Variants in ROBO2 observed in about 807,000 individuals in gnomAD.
The protein encoded by ROBO2 is roundabout homolog 2.
In ROBO2, 53 loss-of-function variants were observed where a neutral mutation model predicts 160.8. The ratio of observed to expected loss-of-function variants is 0.33; its 90% CI spans 0.26 to 0.41. The LOEUF is 0.41. Among genes scored for constraint, ROBO2 ranks in the 10% least tolerant of loss-of-function variants. The pLI, the probability that ROBO2 is intolerant of heterozygous loss-of-function variation, is 1.00. For synonymous variants in ROBO2, 664 were observed against 611.7 expected (o/e 1.09, Z -1.26); for missense variants, 1,577 against 1,722.4 (o/e 0.92, Z 1.49).
At chr3:76,252,756 TATACAC>T (rs199830934) in intron 2 of ROBO2, among the ~76,000 whole-genome samples, 43,195 of 137,450 alleles carry the variant, frequency 0.31, 6,672 homozygotes, top group Non-Finnish European at 0.36. Context: ...CATGTATATG[TATACAC>T]ACACACACAC....
At chr3:77,461,497 CATT>C (rs2082237265) in intron 2 of ROBO2, among the ~76,000 whole-genome samples, 1 of 151,940 alleles carries the variant, frequency 6.6e-6, no homozygotes, top group African/African-American at 2.4e-5. Flanking sequence ...GGTTGAATAA[CATT>C]ATATTTATGC....
rs1291713517 is a variant in ROBO2 at position 75,915,663 on chromosome 3, G to C, written c.-14+8703G>C. Among the ~76,000 whole-genome samples, 4 of 152,166 alleles carry C rather than the reference G, an allele frequency of 2.6e-5. No homozygotes were observed. The East Asian group carries it at 7.7e-4, about 29-fold the overall frequency. ...GAGCTGCATTCTGATAAGAAGGCAA[G>C]GCTAGAGGACTCATGTTGAGGTGGC... is the stretch of plus-strand genomic sequence containing the variant. On this transcript the variant is annotated intron_variant, in intron 1 of 26. Coordinates refer to the ROBO2 transcript ENST00000487694.
chr3:77,364,058 G>T (rs1481974800), intron 2 of ROBO2, among the ~76,000 whole-genome samples: 1 of 152,116 alleles, frequency 6.6e-6, no homozygotes, highest in African/African-American at 2.4e-5. Context: ...TTAATACAAG[G>T]TATATGAGGC....
chr3:76,525,430 T>G (rs2081897926), intron 2 of ROBO2, among the ~76,000 whole-genome samples: 1 of 151,940 alleles, frequency 6.6e-6, no homozygotes, highest in Non-Finnish European at 1.5e-5. Flanking sequence ...GAATAGCTCT[T>G]TAAAAGTGGG....
chr3:76,216,554 A>G (rs1172951325), intron 2 of ROBO2, among the ~76,000 whole-genome samples: 1 of 152,216 alleles, frequency 6.6e-6, no homozygotes, highest in Non-Finnish European at 1.5e-5. Context: ...AGATCAAAAG[A>G]GACAAAGAAG....
At chr3:77,211,139 T>A (rs1428825733) in intron 2 of ROBO2, among the ~76,000 whole-genome samples, 1 of 151,904 alleles carries the variant, frequency 6.6e-6, no homozygotes, top group East Asian at 1.9e-4. Context: ...GTATTTCTAG[T>A]TCTAGATCCC....
chr3:77,194,591 T>C (rs2082152215), intron 2 of ROBO2, among the ~76,000 whole-genome samples: 1 of 152,200 alleles, frequency 6.6e-6, no homozygotes, highest in South Asian at 2.1e-4. Context: ...TTAATTGACA[T>C]ATGTATATTC....
chr3:77,030,872 A>G (rs567214205), intron 2 of ROBO2, among the ~76,000 whole-genome samples: 3 of 152,330 alleles, frequency 2.0e-5, no homozygotes, highest in African/African-American at 7.2e-5. Flanking sequence ...GAGATTCTAC[A>G]TGGACATTCA....
At chr3:76,091,757 AT>A (rs2069246590) in intron 2 of ROBO2, among the ~76,000 whole-genome samples, 1 of 151,978 alleles carries the variant, frequency 6.6e-6, no homozygotes, top group Non-Finnish European at 1.5e-5. Context: ...TTGAAAAGAA[AT>A]AAACTATCAA....
chr3:77,105,755 A>G lies in ROBO2; in HGVS notation c.388+7415A>G, dbSNP rs539306751. Among the ~76,000 whole-genome samples the G allele has an allele frequency of 2.0e-5, 3 of 152,294 alleles. No individual in the cohort carries two copies. The South Asian group carries it at 6.2e-4, about 32-fold the overall frequency. On this transcript the variant is annotated intron_variant, in intron 2 of 25. Coordinates refer to ENST00000461745, the Ensembl canonical transcript of ROBO2. ...TGCCATTCACTGACAATTAGCCTGA[A>G]TTAACTCTGACTCCCAGGAAAGCAC...
At chr3:77,216,591 A>T (rs2151153317) in intron 2 of ROBO2, among the ~76,000 whole-genome samples, 1 of 152,128 alleles carries the variant, frequency 6.6e-6, no homozygotes, top group South Asian at 2.1e-4. Context: ...TCCTGCACCC[A>T]CTGTCCGACA....
At chr3:76,591,050 T>TA (rs982013961) in intron 2 of ROBO2, among the ~76,000 whole-genome samples, 5 of 152,206 alleles carry the variant, frequency 3.3e-5, no homozygotes, top group Non-Finnish European at 4.4e-5. Flanking sequence ...CCTGTATAGT[T>TA]AAAAAATCCA....
At chr3:76,326,890 A>G (rs909149940) in intron 2 of ROBO2, among the ~76,000 whole-genome samples, 9 of 150,832 alleles carry the variant, frequency 6.0e-5, no homozygotes, top group Admixed American at 1.3e-4. Context: ...TGTTCTTGCG[A>G]TAGTTTACTG....
At chr3:75,961,053 C>G (rs1218041195) in intron 2 of ROBO2, among the ~76,000 whole-genome samples, 1 of 151,502 alleles carries the variant, frequency 6.6e-6, no homozygotes, top group Non-Finnish European at 1.5e-5. Flanking sequence ...TAAAAATTTA[C>G]AGGAAGAACT....
intron 2 of ROBO2, among the ~76,000 whole-genome samples, chr3:76,514,203 C>T (rs1185488911): frequency 6.6e-6 from 1 of 152,074 alleles, no homozygotes; most frequent in Non-Finnish European, 1.5e-5. Context: ...TCACATGTTG[C>T]TCTGTTTCCT....
In ROBO2 at chr3:76,550,431, A is replaced by G. The variant is rs140223942; in HGVS notation, c.110-547583A>G. Among the ~76,000 whole-genome samples the G allele has an allele frequency of 3.7e-3, 564 of 152,372 alleles. 7 individuals carry two copies. The highest frequency in any genetic ancestry group is 0.013 in the African/African-American group (540 of 41,596). On this transcript the variant is annotated intron_variant, in intron 2 of 26. Coordinates refer to the ROBO2 transcript ENST00000487694. ...AAATATATTTTTTAATTGTGTTGGAAGCAGCAGCTTGTCTGAAGTGGCCAC... is the reference window on the plus strand; with the variant it reads ...AAATATATTTTTTAATTGTGTTGGAGGCAGCAGCTTGTCTGAAGTGGCCAC...
At chr3:76,146,699 T>G (rs113355252) in intron 2 of ROBO2, among the ~76,000 whole-genome samples, 10 of 144,414 alleles carry the variant, frequency 6.9e-5, no homozygotes, top group East Asian at 2.1e-4. Context: ...TTACATAGGG[T>G]GTGTGTGTGT....
chr3:77,112,193 CAAAA>C (rs373201643), intron 2 of ROBO2, among the ~76,000 whole-genome samples: 9 of 68,714 alleles, frequency 1.3e-4, no homozygotes, highest in African/African-American at 3.5e-4. Flanking sequence ...AGACTCGTCT[CAAAA>C]AAAAAAAAAA....
At chr3:77,571,520 A>G (rs2153668340) in intron 13 of ROBO2, among the ~76,000 whole-genome samples, 1 of 152,240 alleles carries the variant, frequency 6.6e-6, no homozygotes, top group South Asian at 2.1e-4. Context: ...ACTGAGGTTC[A>G]GAAAGTTTAA....
Sources: gnomAD v4.1 joint callset for allele counts (sites outside exome capture counted in the v4.1 genomes callset) on GRCh38, gnomAD v4.1.1 for gene constraint, MANE v1.5 for transcripts, NCBI Gene and HGNC (gene_info 2026-07-23, HGNC 2026-07-21) for gene names.